The following CST2 variants were observed in gnomAD, a reference collection of about 807,000 sequenced individuals.
CST2 encodes the protein cystatin-SA.
CST2 carries 26 observed loss-of-function variants against 13.4 expected under a neutral mutation model. That is an observed-to-expected ratio of 1.95 (90% confidence interval 1.43 to 2.70). The LOEUF is 2.70. Ranked by LOEUF, CST2 falls within the 30% of genes most tolerant of loss-of-function variation. The probability of loss-of-function intolerance (pLI) is 0.00; values close to 1 mark genes in which losing one functional copy is unlikely to be tolerated. For missense variants in CST2, 243 were observed against 173.4 expected, an observed-to-expected ratio of 1.40 and a Z score of -2.25; for synonymous variants, 105 against 71.1, an observed-to-expected ratio of 1.48 and a Z score of -2.40.
rs754905423 is a variant in CST2, at chr20:23,826,578, C to T, written c.83G>A (p.Arg28Lys). ...ALAWSPQEED[R>K]IIEGGIYDAD... Reference sequence around the variant, plus strand: ...ATCATAGATGCCACCCTCGATTATCCTGTCCTCCTCCTGGGGGCTCCAGGC... The same window carrying T: ...ATCATAGATGCCACCCTCGATTATCTTGTCCTCCTCCTGGGGGCTCCAGGC... The change falls in exon 1 of 3, where the codon AGG (arginine) becomes AAG (lysine). Residue 28 changes from arginine (R) to lysine (K), a missense_variant. Arg to Lys is a conservative substitution (Grantham distance 26). Transcript: ENST00000304725. 3.7e-6 allele frequency: 6 copies of T among 1,613,960 alleles called. No homozygotes were observed. In the Admixed American group the frequency reaches 1.0e-4, roughly 27 times the overall value.
chr20:23,825,321 G>A lies in CST2; in HGVS notation c.231C>T (p.Ile77=), dbSNP rs754596464. 44 of 1,607,430 alleles carry A rather than the reference G, an allele frequency of 2.7e-5. No individual in the cohort carries two copies. The highest frequency in any genetic ancestry group is 3.3e-5 in the Non-Finnish European group (39 of 1,177,954). The change falls in exon 2 of 3, where the codon ATC becomes ATT. Residue 77 remains isoleucine (I), a splice_region_variant and synonymous_variant. Coordinates refer to ENST00000304725, the MANE Select transcript of CST2 (RefSeq NM_001322.3). Reference sequence around the variant, plus strand: ...CGAAGAAGTAATTCACCCCGCCCACGATCTACACACATGAGAAAACAGGAT... The same window carrying A: ...CGAAGAAGTAATTCACCCCGCCCACAATCTACACACATGAGAAAACAGGAT... ...LLRVLRAREQ[I]VGGVNYFFDI...
chr20:23,825,498 C>T (rs147450746), intron 1 of CST2, among the ~76,000 whole-genome samples, 175 bp from the exon 2 acceptor site: 75 of 152,332 alleles, frequency 4.9e-4, no homozygotes, highest in African/African-American at 1.7e-3. Context: ...TGCTGGGCCT[C>T]ATGCCCCCTC....
At position 23,823,809 on chromosome 20, in the gene CST2, TA is replaced by T; in HGVS notation, c.*210del. 1.7e-6 allele frequency: 1 copy of T among 583,646 alleles called. No individual in the cohort carries two copies. The highest frequency in any genetic ancestry group is 2.1e-5 in the South Asian group (1 of 47,534). 36.2% of individuals were successfully genotyped at this position (583,646 alleles called of 1,614,324 possible). ...TAATTGCAGGAGGTGGGGGTGTGTG[TA>T]CCATGTACCAGGGCTATGAGAAGCA... On this transcript the variant is annotated 3_prime_UTR_variant, in exon 3 of 3. Coordinates refer to ENST00000304725, the MANE Select transcript of CST2 (RefSeq NM_001322.3).
intron 1 of CST2, among the ~76,000 whole-genome samples, chr20:23,826,158 G>T (rs189565271): frequency 2.6e-5 from 4 of 152,302 alleles, no homozygotes; most frequent in Admixed American, 2.0e-4. Context: ...CGAAGTTCCT[G>T]TGTGGCCCCT....
rs144183492 is a variant in CST2, at chr20:23,825,351, G to A, written c.229-28C>T. On this transcript the variant is annotated intron_variant, in intron 1 of 2. Coordinates refer to ENST00000304725, the MANE Select transcript of CST2 (RefSeq NM_001322.3). ...ACACACATGAGAAAACAGGATGCAC[G>A]GACAGCGCCCCCATCAGTTCATGCA... 4.8e-4 allele frequency: 772 copies of A among 1,611,044 alleles called. 5 individuals are homozygous for A. The African/African-American group carries it at 9.1e-3, about 19-fold the overall frequency.
intron 1 of CST2, among the ~76,000 whole-genome samples, 159 bp from the exon 2 acceptor site, chr20:23,825,482 G>T (rs1984804336): frequency 6.6e-6 from 1 of 152,222 alleles, no homozygotes; most frequent in Non-Finnish European, 1.5e-5. Context: ...CTGTCAGCTG[G>T]CAGGGTGCTG....
rs546978671 is a variant in CST2, at chr20:23,824,047, C to A, written c.399G>T (p.Leu133=). ...YEVPWEDRMS[L]VNSRCQEA is the part of the protein sequence containing the mutation. ...AGGCTTCTTGACACCTGGAATTCACCAGGGACATTCTGTCCTCCCAGGGAA... is the reference window on the plus strand; with the variant it reads ...AGGCTTCTTGACACCTGGAATTCACAAGGGACATTCTGTCCTCCCAGGGAA... The change falls in exon 3 of 3, where the codon CTG becomes CTT. Residue 133 remains leucine, a synonymous_variant. Transcript: ENST00000304725. The A allele has an allele frequency of 1.2e-6, 2 of 1,613,984 alleles. No individual in the cohort carries two copies. Among genetic ancestry groups the A allele is most frequent in the South Asian group, 1.1e-5 (1 of 91,082 alleles).
Position 23,826,620 on chromosome 20 carries a change from G to C in CST2, c.41C>G (p.Thr14Ser), listed in dbSNP as rs1984852547. Reference protein sequence around the residue: ...PLCTLLLLLATQAVALAWSPQ... With the variant: ...PLCTLLLLLASQAVALAWSPQ... Reference sequence around the variant, plus strand: ...GCTCCAGGCCAGGGCCACAGCCTGGGTGGCCAGCAGGAGCAGCAGGGTGCA... The same window carrying C: ...GCTCCAGGCCAGGGCCACAGCCTGGCTGGCCAGCAGGAGCAGCAGGGTGCA... Residue 14 changes from threonine to serine, a missense_variant, in exon 1 of 3, where the codon ACC (threonine) becomes AGC (serine). Thr to Ser is a moderately conservative substitution (Grantham distance 58). Coordinates refer to ENST00000304725, the MANE Select transcript of CST2 (RefSeq NM_001322.3). 2 of 1,612,280 alleles carry C rather than the reference G, an allele frequency of 1.2e-6. No homozygotes were observed. Among genetic ancestry groups the C allele is most frequent in the Non-Finnish European group, 1.7e-6 (2 of 1,179,590 alleles).
chr20:23,826,512 A>T lies in CST2; in HGVS notation c.149T>A (p.Phe50Tyr). The T allele has an allele frequency of 1.2e-6, 2 of 1,614,142 alleles. No homozygotes were observed. The highest frequency in any genetic ancestry group is 2.2e-5 in the South Asian group (2 of 91,074). ...NDERVQRALH[F>Y]VISEYNKATE... ...GGCCTTGTTATACTCGCTGATGACA[A>T]AGTGAAGGGCACGCTGTACCCGCTC... Residue 50 changes from phenylalanine to tyrosine, a missense_variant, in exon 1 of 3, where the codon TTT (phenylalanine) becomes TAT (tyrosine). By Grantham distance (22) the Phe-to-Tyr change is conservative. Transcript: ENST00000304725.
rs560128187 is a variant in CST2, at chr20:23,825,209, C to T, written c.342+1G>A. 1.6e-5 allele frequency: 26 copies of T among 1,614,154 alleles called. No individual in the cohort carries two copies. In the South Asian group the frequency reaches 2.2e-4, roughly 14 times the overall value. Reference sequence around the variant, plus strand: ...GCCTGGGACCCGCATCAGGAACGTACCTTCTGCAGTTCTGGCTGTTCATGG... The same window carrying T: ...GCCTGGGACCCGCATCAGGAACGTATCTTCTGCAGTTCTGGCTGTTCATGG... On this transcript the variant is annotated splice_donor_variant, in intron 2 of 2. Transcript: ENST00000304725. LOFTEE classifies it high-confidence loss of function.
At chr20:23,825,633 C>T (rs975917650) in intron 1 of CST2, among the ~76,000 whole-genome samples, 6 of 152,218 alleles carry the variant, frequency 3.9e-5, no homozygotes, top group African/African-American at 1.4e-4. Flanking sequence ...ATAAAATAGG[C>T]GTCCGGGCCT....
Position 23,823,959 on chromosome 20 carries a change from G to T in CST2, c.*61C>A. Reference sequence around the variant, plus strand: ...CAGGGTGGGGGCCACCAGTCCAGGGGTGGGAGCACTACAAGGGGTGGGAGT... The same window carrying T: ...CAGGGTGGGGGCCACCAGTCCAGGGTTGGGAGCACTACAAGGGGTGGGAGT... On this transcript the variant is annotated 3_prime_UTR_variant, in exon 3 of 3. Coordinates refer to ENST00000304725, the MANE Select transcript of CST2 (RefSeq NM_001322.3). 4 of 1,577,730 alleles carry T rather than the reference G, an allele frequency of 2.5e-6. No homozygotes were observed. In the East Asian group the frequency reaches 6.7e-5, roughly 27 times the overall value.
At chr20:23,824,281 C>T (rs1984757511) in intron 2 of CST2, among the ~76,000 whole-genome samples, 178 bp from the exon 3 acceptor site, 1 of 148,496 alleles carries the variant, frequency 6.7e-6, no homozygotes, top group Non-Finnish European at 1.5e-5. Context: ...TCCATTGCCC[C>T]TCCCAAGGCT....
At chr20:23,825,396 G>A (rs567359092) in intron 1 of CST2, 73 bp from the exon 2 acceptor site, 31 of 1,525,366 alleles carry the variant, frequency 2.0e-5, no homozygotes. Flanking sequence ...ACTTCACTGT[G>A]GCTGAGTCAC....
chr20:23,826,382 G>A (rs781572188), intron 1 of CST2, 51 bp downstream of exon 1: 5 of 1,471,040 alleles, frequency 3.4e-6, no homozygotes, highest in South Asian at 2.3e-5. Context: ...TATGGATCGG[G>A]CAACAAACAA....
chr20:23,824,562 G>A (rs1984766146), intron 2 of CST2, among the ~76,000 whole-genome samples: 1 of 152,162 alleles, frequency 6.6e-6, no homozygotes, highest in Non-Finnish European at 1.5e-5. Context: ...TCCCCTGAGT[G>A]GAGACCTCAC....
rs772379359 is a variant in CST2 at position 23,825,253 on chromosome 20, T to C, written c.299A>G (p.Asn100Ser). The change falls in exon 2 of 3, where the codon AAC becomes AGC. Residue 100 changes from asparagine (N) to serine (S), a missense_variant. Asn to Ser is a conservative substitution (Grantham distance 46). Transcript: ENST00000304725. ...TTCATGGAAGGCACAGGTGTCCAAG[T>C]TGGGCTGGGACTTGGTACATATGGT... ...GRTICTKSQP[N>S]LDTCAFHEQP... 1.9e-6 allele frequency: 3 copies of C among 1,613,990 alleles called. No homozygotes were observed. The highest frequency in any genetic ancestry group is 1.1e-5 in the South Asian group (1 of 91,078).
chr20:23,823,879 C>A lies in CST2; in HGVS notation c.*141G>T, dbSNP rs1227212657. The A allele has an allele frequency of 2.6e-5, 22 of 832,774 alleles. No homozygotes were observed. Among genetic ancestry groups the A allele is most frequent in the East Asian group, 5.3e-5 (2 of 37,934 alleles). 51.6% of individuals were successfully genotyped at this position (832,774 alleles called of 1,614,324 possible). ...AGAGTCCCCTGCTGAGCAACAAAGG[C>A]CTCCTGCAGCCTTCTCTGTCTTCTC... On this transcript the variant is annotated 3_prime_UTR_variant, in exon 3 of 3. Transcript: ENST00000304725.
chr20:23,825,331 C>T lies in CST2; in HGVS notation c.229-8G>A, dbSNP rs778657756. On this transcript the variant is annotated splice_polypyrimidine_tract_variant and splice_region_variant and intron_variant, in intron 1 of 2. Coordinates refer to ENST00000304725, the MANE Select transcript of CST2 (RefSeq NM_001322.3). ...ATTCACCCCGCCCACGATCTACACA[C>T]ATGAGAAAACAGGATGCACGGACAG... The T allele has an allele frequency of 3.7e-6, 6 of 1,613,886 alleles. No individual in the cohort carries two copies. Among genetic ancestry groups the T allele is most frequent in the Admixed American group, 3.3e-5 (2 of 59,998 alleles).
Sources: allele counts gnomAD v4.1 joint callset (sites outside exome capture counted in the v4.1 genomes callset), GRCh38; gene constraint gnomAD v4.1.1; transcripts MANE v1.5; gene names NCBI Gene and HGNC (gene_info 2026-07-23, HGNC 2026-07-21).